LYPD6B: variants seen among roughly 807,000 people sequenced by gnomAD.
LYPD6B encodes LY6/PLAUR domain containing 6B, also known as ly6/PLAUR domain-containing protein 6B.
In LYPD6B, 17 loss-of-function variants were observed where a neutral mutation model predicts 22.8. The ratio of observed to expected loss-of-function variants is 0.75; its 90% CI spans 0.51 to 1.12. LYPD6B has a LOEUF of 1.12. Among genes scored for constraint, LYPD6B ranks in the 50% most tolerant of loss-of-function variants. The pLI is 0.00. For missense variants in LYPD6B, 221 were observed against 258.3 expected, an observed-to-expected ratio of 0.86 and a Z score of 0.99; for synonymous variants, 106 against 91.6, an observed-to-expected ratio of 1.16 and a Z score of -0.90.
chr2:149,094,065 A>G (rs1685792289), intron 1 of LYPD6B, among the ~76,000 whole-genome samples: 1 of 152,256 alleles, frequency 6.6e-6, no homozygotes, highest in Admixed American at 6.5e-5. Flanking sequence ...AAATGGATAA[A>G]TAAGCATAGT....
chr2:149,207,515 G>A (rs570198162), intron 4 of LYPD6B, among the ~76,000 whole-genome samples: 7 of 151,048 alleles, frequency 4.6e-5, no homozygotes, highest in African/African-American at 1.7e-4. Context: ...CAAGATACAA[G>A]GCCAAAAGAA....
At chr2:149,187,720 A>G (rs1476441760) in intron 3 of LYPD6B, 1 of 430,280 alleles carries the variant, frequency 2.3e-6, no homozygotes, top group Non-Finnish European at 4.2e-6. Context: ...GCTAACACTA[A>G]TGATAGCTGA....
At chr2:149,089,288 A>G (rs1476294993) in intron 1 of LYPD6B, among the ~76,000 whole-genome samples, 1 of 152,136 alleles carries the variant, frequency 6.6e-6, no homozygotes, top group Non-Finnish European at 1.5e-5. Flanking sequence ...TGACTAACCT[A>G]TTTGATTTCA....
At chr2:149,074,606 G>A (rs1443991675) in intron 1 of LYPD6B, among the ~76,000 whole-genome samples, 1 of 152,160 alleles carries the variant, frequency 6.6e-6, no homozygotes, top group East Asian at 1.9e-4. Context: ...AGTAATTGGG[G>A]TGAAAAAATG....
chr2:149,110,969 G>A (rs1363587986), intron 1 of LYPD6B, among the ~76,000 whole-genome samples: 1 of 152,204 alleles, frequency 6.6e-6, no homozygotes, highest in Admixed American at 6.5e-5. Context: ...CTAGAATAAA[G>A]TGAAGTAGTG....
intron 1 of LYPD6B, among the ~76,000 whole-genome samples, chr2:149,104,915 A>T (rs747426354): frequency 6.6e-6 from 1 of 152,128 alleles, no homozygotes; most frequent in Non-Finnish European, 1.5e-5. Context: ...GAAAGTTTAA[A>T]ATTTATAATT....
intron 3 of LYPD6B, among the ~76,000 whole-genome samples, chr2:149,192,303 C>T (rs1054004811): frequency 2.0e-5 from 3 of 152,092 alleles, no homozygotes; most frequent in African/African-American, 7.2e-5. Flanking sequence ...CGGGAAGAAA[C>T]TAAGAGAAGT....
chr2:149,121,452 A>G (rs952021283), intron 1 of LYPD6B, among the ~76,000 whole-genome samples: 1 of 152,186 alleles, frequency 6.6e-6, no homozygotes, highest in South Asian at 2.1e-4. Flanking sequence ...TGACTGACCA[A>G]ATCTGATGAT....
At chr2:149,181,400 A>G (rs1450642990) in intron 3 of LYPD6B, among the ~76,000 whole-genome samples, 1 of 152,170 alleles carries the variant, frequency 6.6e-6, no homozygotes, top group Non-Finnish European at 1.5e-5. Context: ...GCTGTTGTTC[A>G]GTGACATGAG....
At chr2:149,129,723 G>A (rs1410777865) in intron 1 of LYPD6B, among the ~76,000 whole-genome samples, 1 of 152,222 alleles carries the variant, frequency 6.6e-6, no homozygotes, top group Admixed American at 6.5e-5. Context: ...AGATGAGGTA[G>A]GTAAGACTTA....
intron 1 of LYPD6B, among the ~76,000 whole-genome samples, chr2:149,039,871 T>C (rs1195315929): frequency 6.6e-6 from 1 of 152,188 alleles, no homozygotes; most frequent in African/African-American, 2.4e-5. Flanking sequence ...TCATTACCCA[T>C]CGTATTTGTC....
At chr2:149,067,816 A>T (rs1684410499) in intron 1 of LYPD6B, among the ~76,000 whole-genome samples, 1 of 152,192 alleles carries the variant, frequency 6.6e-6, no homozygotes. Flanking sequence ...TGCAACAGAA[A>T]AATTTAATTT....
intron 1 of LYPD6B, among the ~76,000 whole-genome samples, chr2:149,054,306 A>G (rs577451352): frequency 3.3e-5 from 5 of 152,164 alleles, no homozygotes; most frequent in African/African-American, 1.2e-4. Flanking sequence ...GTGTGAAGTA[A>G]TATTTCTTTG....
At chr2:149,106,463 G>A (rs991694836) in intron 1 of LYPD6B, among the ~76,000 whole-genome samples, 2 of 152,056 alleles carry the variant, frequency 1.3e-5, no homozygotes, top group Non-Finnish European at 2.9e-5. Flanking sequence ...ATAGATGTAG[G>A]GCTATTCAAA....
At chr2:149,098,743 C>T (rs1016426687) in intron 1 of LYPD6B, among the ~76,000 whole-genome samples, 12 of 148,326 alleles carry the variant, frequency 8.1e-5, no homozygotes, top group Middle Eastern at 3.6e-3. Flanking sequence ...TATCTACTTA[C>T]GTATATATAC....
At chr2:149,113,145 C>T (rs558154569) in intron 1 of LYPD6B, among the ~76,000 whole-genome samples, 1 of 152,260 alleles carries the variant, frequency 6.6e-6, no homozygotes, top group African/African-American at 2.4e-5. Flanking sequence ...GTTTCATCTG[C>T]TCCCTAAGTT....
intron 1 of LYPD6B, among the ~76,000 whole-genome samples, chr2:149,045,639 CT>C (rs1683273614): frequency 6.6e-6 from 1 of 151,954 alleles, no homozygotes; most frequent in South Asian, 2.1e-4. Context: ...TTTGAGACTA[CT>C]TATTGACCCG....
intron 3 of LYPD6B, among the ~76,000 whole-genome samples, chr2:149,171,829 A>G (rs1171594472): frequency 1.3e-5 from 2 of 152,190 alleles, no homozygotes; most frequent in Non-Finnish European, 2.9e-5. Flanking sequence ...CCTAGGATCT[A>G]CAATAAAAAC....
chr2:149,059,203 C>A (rs1248648633), intron 1 of LYPD6B, among the ~76,000 whole-genome samples: 1 of 152,214 alleles, frequency 6.6e-6, no homozygotes, highest in African/African-American at 2.4e-5. Flanking sequence ...GTCTTTTCGA[C>A]CCCATATCAA....
Sources: gnomAD v4.1 joint callset for allele counts (sites outside exome capture counted in the v4.1 genomes callset) on GRCh38, gnomAD v4.1.1 for gene constraint, MANE v1.5 for transcripts, NCBI Gene and HGNC (gene_info 2026-07-23, HGNC 2026-07-21) for gene names.